The following BAZ2B variants were observed in gnomAD, a reference collection of about 807,000 sequenced individuals.
BAZ2B encodes the protein bromodomain adjacent to zinc finger domain protein 2B.
In BAZ2B, 91 loss-of-function variants were observed where a neutral mutation model predicts 246.0. The ratio of observed to expected loss-of-function variants is 0.37; its 90% CI spans 0.31 to 0.44. The LOEUF (loss-of-function observed/expected upper bound fraction) is 0.44. Ranked by LOEUF, BAZ2B falls within the 20% of genes least tolerant of loss-of-function variation. BAZ2B has a pLI of 1.00. For synonymous variants in BAZ2B, 855 were observed against 860.0 expected, an observed-to-expected ratio of 0.99 and a Z score of 0.10; for missense variants, 2,332 against 2,533.7, an observed-to-expected ratio of 0.92 and a Z score of 1.71.
the BAZ2B span, among the ~76,000 whole-genome samples, chr2:159,652,014 C>T: frequency 2.0e-5 from 3 of 152,112 alleles, no homozygotes; most frequent in Non-Finnish European, 2.9e-5. Context: ...TTCATATACA[C>T]GTTTTTTGTG....
In BAZ2B at chr2:159,382,633, C is replaced by T. The variant is rs1338346803; in HGVS notation, c.3931G>A (p.Gly1311Arg). Residue 1311 changes from glycine to arginine, a missense_variant, in exon 25 of 37, where the codon GGG becomes AGG. By Grantham distance (125) the Gly-to-Arg change is moderately radical. Around this residue, in one of 9 missense-constraint regions of BAZ2B, gnomAD observed 676 missense variants for 668.6 expected, o/e 1.01. Transcript: ENST00000392783. ...DDDDDDSDDQ[G>R]DEDDEDEEDK... Reference sequence around the variant, plus strand: ...TCTTCATCCTCATCATCTTCATCCCCTTGGTCATCACTGTCATCGTCATCA... The same window carrying T: ...TCTTCATCCTCATCATCTTCATCCCTTTGGTCATCACTGTCATCGTCATCA... 1 of 1,578,016 alleles carries T rather than the reference C, an allele frequency of 6.3e-7. No individual in the cohort carries two copies. Among genetic ancestry groups the T allele is most frequent in the Non-Finnish European group, 8.6e-7 (1 of 1,159,046 alleles).
chr2:159,465,999 T>C (rs1474667838), intron 3 of BAZ2B, among the ~76,000 whole-genome samples: 2 of 152,146 alleles, frequency 1.3e-5, no homozygotes, highest in Admixed American at 1.3e-4. Flanking sequence ...AAAATCATGC[T>C]GTAATAGTTC....
At chr2:159,614,095 T>C (rs1464923436) in intron 1 of BAZ2B, among the ~76,000 whole-genome samples, 15 of 152,160 alleles carry the variant, frequency 9.9e-5, no homozygotes, top group Non-Finnish European at 1.5e-5. Flanking sequence ...AGAAGAGATG[T>C]AAATATGCTG....
intron 2 of BAZ2B, among the ~76,000 whole-genome samples, chr2:159,490,364 C>T (rs1001588885): frequency 2.0e-5 from 3 of 152,084 alleles, no homozygotes; most frequent in South Asian, 2.1e-4. Flanking sequence ...ATAGAATCTA[C>T]GCGACCTCCT....
chr2:159,575,600 T>C (rs563891165), intron 1 of BAZ2B, among the ~76,000 whole-genome samples: 4 of 152,298 alleles, frequency 2.6e-5, no homozygotes, highest in African/African-American at 7.2e-5. Context: ...TACTTAATTA[T>C]TGAACCTCTC....
chr2:159,421,495 T>A (rs2068740537), intron 13 of BAZ2B, among the ~76,000 whole-genome samples: 1 of 152,158 alleles, frequency 6.6e-6, no homozygotes, highest in African/African-American at 2.4e-5. Context: ...GTTTCATTTG[T>A]AATCCTATTT....
the BAZ2B span, among the ~76,000 whole-genome samples, chr2:159,705,085 A>G: frequency 3.3e-5 from 5 of 151,310 alleles, no homozygotes; most frequent in Non-Finnish European, 7.4e-5. Context: ...CAGTGGCGCA[A>G]TCTCAGCTCA....
At chr2:159,356,117 C>T (rs2059085385) in intron 27 of BAZ2B, among the ~76,000 whole-genome samples, 1 of 152,094 alleles carries the variant, frequency 6.6e-6, no homozygotes, top group African/African-American at 2.4e-5. Flanking sequence ...CCCAGTGGTG[C>T]CTGGAGTGCC....
the BAZ2B span, among the ~76,000 whole-genome samples, chr2:159,627,943 C>T: frequency 4.6e-5 from 7 of 152,198 alleles, no homozygotes; most frequent in African/African-American, 1.2e-4. Context: ...GCAAAATCTC[C>T]TTAAGCAGAT....
chr2:159,691,330 C>A, the BAZ2B span, among the ~76,000 whole-genome samples: 1 of 152,144 alleles, frequency 6.6e-6, no homozygotes, highest in Admixed American at 6.5e-5. Context: ...TTTGACTCCC[C>A]AAAAACTTAA....
chr2:159,350,536 CAT>C (rs59292549), intron 27 of BAZ2B, among the ~76,000 whole-genome samples, 179 bp from the exon 28 acceptor site: 3,286 of 148,536 alleles, frequency 0.022, 114 homozygotes, highest in African/African-American at 0.075. Flanking sequence ...GGAAAATTAA[CAT>C]ATATATATAT....
At chr2:159,596,126 T>C (rs1367961614) in intron 1 of BAZ2B, among the ~76,000 whole-genome samples, 3 of 152,232 alleles carry the variant, frequency 2.0e-5, no homozygotes, top group Non-Finnish European at 4.4e-5. Flanking sequence ...AGGAGTAGTA[T>C]TGTCCTAAAG....
chr2:159,363,844 G>C (rs1376255775), intron 27 of BAZ2B, among the ~76,000 whole-genome samples: 1 of 152,148 alleles, frequency 6.6e-6, no homozygotes, highest in Non-Finnish European at 1.5e-5. Context: ...GGGAGAGGTG[G>C]AGTCACCAGA....
In BAZ2B at chr2:159,399,417, A is replaced by C. The variant is rs893099653; in HGVS notation, c.2899-523T>G. On this transcript the variant is annotated intron_variant, in intron 17 of 36. Transcript: ENST00000392783. ...AATTCATTATTGGTTTATGTCTATT[A>C]AGTGAAGCATATTAAGTCTGATTTT... Among the ~76,000 whole-genome samples the C allele has an allele frequency of 3.3e-5, 5 of 152,096 alleles. No individual in the cohort carries two copies. In the East Asian group the frequency reaches 9.6e-4, roughly 29 times the overall value.
chr2:159,478,397 T>A (rs992485973), intron 3 of BAZ2B, among the ~76,000 whole-genome samples, 178 bp downstream of exon 3: 7 of 152,140 alleles, frequency 4.6e-5, no homozygotes, highest in Non-Finnish European at 1.0e-4. Context: ...AAGTATAGAA[T>A]AACCAGTGCT....
chr2:159,347,706 C>G, intron 30 of BAZ2B, 60 bp from the exon 31 acceptor site: 1 of 1,385,352 alleles, frequency 7.2e-7, no homozygotes, highest in Non-Finnish European at 9.8e-7. Flanking sequence ...CCACAGAGAC[C>G]TCTTCCAGAA....
chr2:159,628,401 G>A, the BAZ2B span, among the ~76,000 whole-genome samples: 19 of 152,116 alleles, frequency 1.2e-4, no homozygotes, highest in Non-Finnish European at 2.4e-4. Flanking sequence ...TAGGCGTCAC[G>A]CTACCTGACT....
intron 20 of BAZ2B, among the ~76,000 whole-genome samples, chr2:159,394,697 G>A (rs888434239): frequency 6.6e-6 from 1 of 152,126 alleles, no homozygotes; most frequent in Admixed American, 6.6e-5. Context: ...ACTATGTGGT[G>A]CCAGGCACTG....
chr2:159,348,971 T>G, intron 29 of BAZ2B, 36 bp downstream of exon 29: 1 of 1,601,682 alleles, frequency 6.2e-7, no homozygotes, highest in Non-Finnish European at 8.5e-7. Flanking sequence ...ATATTGAAAT[T>G]GAGTAAGTGG....
Sources: allele counts gnomAD v4.1 joint callset (sites outside exome capture counted in the v4.1 genomes callset), GRCh38; gene constraint gnomAD v4.1.1; regional missense constraint gnomAD v4.1.1; transcripts MANE v1.5; gene names NCBI Gene and HGNC (gene_info 2026-07-23, HGNC 2026-07-21).